The following CHMP7 variants were observed in gnomAD, a reference collection of about 807,000 sequenced individuals.
The protein encoded by CHMP7 is charged multivesicular body protein 7, also known as CHMP family, member 7.
Under a neutral mutation model 53.7 loss-of-function variants are expected in CHMP7, and 15 were observed. That is an observed-to-expected ratio of 0.28 (90% CI 0.19 to 0.43). The LOEUF (loss-of-function observed/expected upper bound fraction) is 0.43, where lower values mean the gene tolerates loss of function less well. CHMP7 is among the 20% of genes least tolerant of loss of function. The pLI, the probability that CHMP7 is intolerant of heterozygous loss-of-function variation, is 1.00. For synonymous variants in CHMP7, 261 were observed against 228.0 expected (o/e 1.14, Z -1.30); for missense variants, 527 against 569.4 (o/e 0.93, Z 0.76).
chr8:23,258,186 T>A, intron 6 of CHMP7, 105 bp downstream of exon 6: 2 of 1,432,996 alleles, frequency 1.4e-6, no homozygotes, highest in Non-Finnish European at 2.0e-6. Flanking sequence ...GGGGGTAGAG[T>A]CTGCAGGGGG....
At chr8:23,251,861 G>T (rs950118683) in intron 3 of CHMP7, among the ~76,000 whole-genome samples, 2 of 152,170 alleles carry the variant, frequency 1.3e-5, no homozygotes, top group Admixed American at 6.5e-5. Context: ...CACTTGTGCA[G>T]AGATCTATGT....
In CHMP7 at chr8:23,260,530, C is replaced by T; in HGVS notation, c.1301-8C>T. ...GTTATAGTGTTCAGTCATTTCTTTG[C>T]CTTGCAGGTTTGGTCCCAAGCAGTA... On this transcript the variant is annotated splice_polypyrimidine_tract_variant and splice_region_variant and intron_variant, in intron 10 of 10. Coordinates refer to ENST00000397677, the MANE Select transcript of CHMP7 (RefSeq NM_152272.5). 1.2e-6 allele frequency: 2 copies of T among 1,613,498 alleles called. No individual in the cohort carries two copies. The highest frequency in any genetic ancestry group is 2.2e-5 in the South Asian group (2 of 91,070).
intron 3 of CHMP7, among the ~76,000 whole-genome samples, chr8:23,250,141 TTC>T (rs1801862223): frequency 6.6e-6 from 1 of 152,210 alleles, no homozygotes; most frequent in South Asian, 2.1e-4. Context: ...AGCCTTATTT[TTC>T]TTTCTCTCTG....
Position 23,260,880 on chromosome 8 carries a change from C to A in CHMP7, c.*281C>A. On this transcript the variant is annotated 3_prime_UTR_variant, in exon 11 of 11. Coordinates refer to ENST00000397677, the MANE Select transcript of CHMP7 (RefSeq NM_152272.5). ...ACCTGTCATTTCATAGCCTGCAGTT[C>A]TTGCCATTGGCACACTTAGATTTGT... 1 of 462,804 alleles carries A rather than the reference C, an allele frequency of 2.2e-6. No homozygotes were observed. Among genetic ancestry groups the A allele is most frequent in the Non-Finnish European group, 3.8e-6 (1 of 259,918 alleles). 28.7% of individuals were successfully genotyped at this position (462,804 alleles called of 1,614,324 possible).
In CHMP7 at chr8:23,259,524, C is replaced by G. The variant is rs568849761; in HGVS notation, c.1120+398C>G. On this transcript the variant is annotated intron_variant, in intron 9 of 10. Transcript: ENST00000397677. ...TATAGGCGCCCGCCACCACGCCTGG[C>G]TAATTTTTGTATTTTTAGTAGAGAT... Among the ~76,000 whole-genome samples the G allele has an allele frequency of 8.5e-5, 13 of 152,166 alleles. No individual in the cohort carries two copies. The East Asian group carries it at 2.5e-3, about 29-fold the overall frequency.
Position 23,255,417 on chromosome 8 carries a change from G to A in CHMP7, c.642G>A (p.Glu214=). The change falls in exon 4 of 11, where the codon GAG becomes GAA. Residue 214 remains glutamate, a synonymous_variant. Transcript: ENST00000397677. ...AGGAGAAGAGGGTCACAGTCCTCGA[G>A]CAGAACGGGGAGAAGGTATGGAGGC... The part of the protein sequence containing the change: ...LQKEKRVTVL[E]QNGEKIVKFA... 2 of 1,614,196 alleles carry A rather than the reference G, an allele frequency of 1.2e-6. No individual in the cohort carries two copies. The highest frequency in any genetic ancestry group is 2.2e-5 in the South Asian group (2 of 91,084).
At chr8:23,249,419 T>TTC (rs748045317) in intron 3 of CHMP7, 38 bp downstream of exon 3, 1 of 1,521,918 alleles carries the variant, frequency 6.6e-7, no homozygotes, top group East Asian at 2.3e-5. Flanking sequence ...TGTCACCTGG[T>TTC]GTGATCACAG....
chr8:23,259,364 CATT>C (rs1802289575), intron 9 of CHMP7, among the ~76,000 whole-genome samples: 2 of 126,016 alleles, frequency 1.6e-5, no homozygotes, highest in African/African-American at 3.0e-5. Context: ...GAGACGGGGT[CATT>C]TTTTTTTTTT....
chr8:23,246,557 G>A lies in CHMP7; in HGVS notation c.-139G>A. On this transcript the variant is annotated 5_prime_UTR_variant, in exon 2 of 11. It introduces an in-frame stop codon into an upstream open reading frame of the 5' UTR. Coordinates refer to ENST00000397677, the MANE Select transcript of CHMP7 (RefSeq NM_152272.5). Reference sequence around the variant, plus strand: ...AACGCATGCGCCTTGAAGACTTATGGAACTTATTTCACGCTCAGGGCGGCG... The same window carrying A: ...AACGCATGCGCCTTGAAGACTTATGAAACTTATTTCACGCTCAGGGCGGCG... 1.4e-6 allele frequency: 1 copy of A among 695,508 alleles called. No individual in the cohort carries two copies. The highest frequency in any genetic ancestry group is 2.4e-6 in the Non-Finnish European group (1 of 421,512). The allele number at this position is 695,508 out of a possible 1,614,324, so 43.1% of individuals were successfully genotyped here.
intron 1 of CHMP7, among the ~76,000 whole-genome samples, chr8:23,244,459 A>G (rs1256241314): frequency 6.6e-6 from 1 of 152,176 alleles, no homozygotes; most frequent in Non-Finnish European, 1.5e-5. Context: ...CTGTATTTAC[A>G]TGTGCCTATT....
At chr8:23,258,190 C>A in intron 6 of CHMP7, 109 bp downstream of exon 6, 1 of 1,429,158 alleles carries the variant, frequency 7.0e-7, no homozygotes, top group Non-Finnish European at 9.8e-7. Context: ...GTAGAGTCTG[C>A]AGGGGGCCCA....
At position 23,258,842 on chromosome 8, in the gene CHMP7, G is replaced by T. The variant is rs571576988; in HGVS notation, c.1059+12G>T. 4.5e-6 allele frequency: 7 copies of T among 1,544,840 alleles called. No homozygotes were observed. In the South Asian group the frequency reaches 6.7e-5, roughly 15 times the overall value. On this transcript the variant is annotated intron_variant, in intron 8 of 10. Coordinates refer to ENST00000397677, the MANE Select transcript of CHMP7 (RefSeq NM_152272.5). ...ATCAGATCCAAGAGGTACAGAAAGGGGCCAGGGAGGGACACACAGAGAAGG... is the reference window on the plus strand; with the variant it reads ...ATCAGATCCAAGAGGTACAGAAAGGTGCCAGGGAGGGACACACAGAGAAGG...
At position 23,246,786 on chromosome 8, in the gene CHMP7, A is replaced by T. The variant is rs754334360; in HGVS notation, c.91A>T (p.Met31Leu). The T allele has an allele frequency of 6.3e-7, 1 of 1,581,892 alleles. No individual in the cohort carries two copies. Among genetic ancestry groups the T allele is most frequent in the African/African-American group, 1.3e-5 (1 of 74,212 alleles). The change falls in exon 2 of 11, where the codon ATG becomes TTG. Residue 31 changes from methionine (M) to leucine (L), a missense_variant. Physicochemically the swap from Met to Leu is conservative, Grantham distance 15. Transcript: ENST00000397677. ...PPEWEEDEERMSFLFSAFKRS... is the reference protein window; with the variant it reads ...PPEWEEDEERLSFLFSAFKRS... ...CGAGTGGGAGGAGGACGAGGAGCGCATGTCCTTCCTGTTCTCCGCTTTCAA... is the reference window on the plus strand; with the variant it reads ...CGAGTGGGAGGAGGACGAGGAGCGCTTGTCCTTCCTGTTCTCCGCTTTCAA...
intron 6 of CHMP7, 70 bp from the exon 7 acceptor site, chr8:23,258,260 G>C: frequency 6.3e-7 from 1 of 1,598,736 alleles, no homozygotes; most frequent in Non-Finnish European, 8.6e-7. Context: ...TTAGCGTCTG[G>C]GAAGGGCTGT....
At chr8:23,248,034 A>T (rs1243345818) in intron 2 of CHMP7, 3 of 455,532 alleles carry the variant, frequency 6.6e-6, no homozygotes, top group African/African-American at 4.0e-5. Flanking sequence ...ATGGTCTCGA[A>T]CTCCTGCACT....
At chr8:23,247,222 A>G (rs1264272713) in intron 2 of CHMP7, among the ~76,000 whole-genome samples, 2 of 152,114 alleles carry the variant, frequency 1.3e-5, no homozygotes, top group Non-Finnish European at 2.9e-5. Flanking sequence ...GGGGGCGGGG[A>G]TAGTCCGATT....
At chr8:23,258,550 G>A (rs780842627) in intron 7 of CHMP7, 101 bp downstream of exon 7, 167 of 1,515,242 alleles carry the variant, frequency 1.1e-4, no homozygotes, top group Non-Finnish European at 1.4e-4. Context: ...GGGTTCTTTC[G>A]GGATGTGGCT....
In CHMP7 at chr8:23,260,471, A is replaced by G. The variant is rs554035127; in HGVS notation, c.1301-67A>G. ...GTTTATATTAAGACTCAGTCTCTTA[A>G]TCACTGGAATGCCTTCATCTTCAAG... is the stretch of plus-strand genomic sequence containing the variant. On this transcript the variant is annotated intron_variant, in intron 10 of 10. Coordinates refer to ENST00000397677, the MANE Select transcript of CHMP7 (RefSeq NM_152272.5). 86 of 1,529,798 alleles carry G rather than the reference A, an allele frequency of 5.6e-5. 1 individual carries two copies. The highest frequency in any genetic ancestry group is 5.4e-4 in the East Asian group (24 of 44,460). The allele number at this position is 1,529,798 out of a possible 1,614,324, so 94.8% of individuals were successfully genotyped here. A position where few individuals can be genotyped will look rare whatever the true frequency, so the allele number is the denominator to read the frequency against.
At chr8:23,250,232 C>T (rs1336508215) in intron 3 of CHMP7, among the ~76,000 whole-genome samples, 1 of 152,164 alleles carries the variant, frequency 6.6e-6, no homozygotes, top group Admixed American at 6.5e-5. Context: ...CTCAGCATTC[C>T]TGAGTCGGTC....
Sources: allele counts gnomAD v4.1 joint callset (sites outside exome capture counted in the v4.1 genomes callset), GRCh38; gene constraint gnomAD v4.1.1; transcripts MANE v1.5; gene names NCBI Gene and HGNC (gene_info 2026-07-23, HGNC 2026-07-21).